Variants in OXR1 observed in about 807,000 individuals in gnomAD.
OXR1 encodes the protein oxidation resistance protein 1.
A neutral mutation model predicts 104.6 loss-of-function variants in OXR1; 41 were observed. The ratio of observed to expected loss-of-function variants is 0.39; its 90% confidence interval spans 0.31 to 0.51. OXR1 has a LOEUF of 0.51. Ranked by LOEUF, OXR1 falls within the 20% of genes least tolerant of loss-of-function variation. The pLI is 0.77. For synonymous variants in OXR1, 348 were observed against 348.4 expected (o/e 1.00, Z 0.01); for missense variants, 955 against 1,031.9 (o/e 0.93, Z 1.02).
chr8:106,593,560 T>C (rs553989133), intron 3 of OXR1, among the ~76,000 whole-genome samples: 6 of 152,242 alleles, frequency 3.9e-5, no homozygotes, highest in East Asian at 1.9e-4. Flanking sequence ...GGGCGGATCA[T>C]GAGGTCAGGA....
Position 106,459,902 on chromosome 8 carries a change from A to G in OXR1, c.24-59041A>G, listed in dbSNP as rs944577973. Among the ~76,000 whole-genome samples, 15 of 152,346 alleles carry G rather than the reference A, an allele frequency of 9.8e-5. No individual in the cohort carries two copies. In the East Asian group the frequency reaches 2.9e-3, roughly 29 times the overall value. Reference sequence around the variant, plus strand: ...CATTTTTCATCAGGTGCCACAAGCCAGCACATGTTACAATCAAGGGAAGAT... The same window carrying G: ...CATTTTTCATCAGGTGCCACAAGCCGGCACATGTTACAATCAAGGGAAGAT... On this transcript the variant is annotated intron_variant, in intron 2 of 16. Transcript: ENST00000517566.
chr8:106,530,949 G>T (rs1455391234), intron 3 of OXR1, among the ~76,000 whole-genome samples: 1 of 152,172 alleles, frequency 6.6e-6, no homozygotes, highest in African/African-American at 2.4e-5. Context: ...TGTACTAAGA[G>T]AAATTAATAA....
chr8:106,612,093 C>T (rs993488887), intron 3 of OXR1, among the ~76,000 whole-genome samples: 1 of 102,492 alleles, frequency 9.8e-6, no homozygotes, highest in Non-Finnish European at 1.9e-5. Context: ...ATAATTTTCT[C>T]CTTCAGTTTT....
intron 3 of OXR1, among the ~76,000 whole-genome samples, chr8:106,672,322 G>GAAAAAA: frequency 7.3e-6 from 1 of 136,706 alleles, no homozygotes; most frequent in African/African-American, 2.6e-5. Flanking sequence ...TACTAAAAAT[G>GAAAAAA]AAAAAAAAAA....
At chr8:106,681,842 C>A (rs1326261855) in intron 4 of OXR1, among the ~76,000 whole-genome samples, 2 of 152,116 alleles carry the variant, frequency 1.3e-5, no homozygotes, top group Non-Finnish European at 2.9e-5. Context: ...GCCTCTTTAT[C>A]GTTTTTAGAG....
At chr8:106,512,159 A>G (rs1000264979) in intron 2 of OXR1, among the ~76,000 whole-genome samples, 1 of 152,162 alleles carries the variant, frequency 6.6e-6, no homozygotes, top group East Asian at 1.9e-4. Context: ...GAGAAAATGG[A>G]GGCAAGGAAA....
At chr8:106,595,625 A>G (rs1819473626) in intron 3 of OXR1, among the ~76,000 whole-genome samples, 1 of 151,988 alleles carries the variant, frequency 6.6e-6, no homozygotes, top group Non-Finnish European at 1.5e-5. Flanking sequence ...GGGGGAAAAT[A>G]GGAAGAAAGG....
chr8:106,649,458 A>G (rs973150079), intron 3 of OXR1, among the ~76,000 whole-genome samples: 1 of 151,794 alleles, frequency 6.6e-6, no homozygotes, highest in African/African-American at 2.4e-5. Flanking sequence ...CCAGTTATAT[A>G]TTGTCCTTTT....
At chr8:106,320,837 A>G (rs1217420603) in intron 1 of OXR1, among the ~76,000 whole-genome samples, 1 of 151,608 alleles carries the variant, frequency 6.6e-6, no homozygotes, top group Non-Finnish European at 1.5e-5. Flanking sequence ...ATGCCTAGCT[A>G]ATTTTTGTAT....
chr8:106,413,943 G>T (rs1018499215), intron 2 of OXR1, among the ~76,000 whole-genome samples: 3 of 151,990 alleles, frequency 2.0e-5, no homozygotes, highest in Non-Finnish European at 4.4e-5. Flanking sequence ...GACCATGCTG[G>T]TCTTGAGCTC....
intron 2 of OXR1, among the ~76,000 whole-genome samples, chr8:106,420,030 A>G (rs1017176670): frequency 5.3e-5 from 8 of 152,146 alleles, no homozygotes; most frequent in Non-Finnish European, 1.2e-4. Flanking sequence ...AAAGAGGAGG[A>G]AAATAACTTG....
At chr8:106,622,672 A>C (rs1299127623) in intron 3 of OXR1, among the ~76,000 whole-genome samples, 1 of 152,036 alleles carries the variant, frequency 6.6e-6, no homozygotes, top group Non-Finnish European at 1.5e-5. Context: ...GGTTCTTATA[A>C]AATTGTCTTT....
chr8:106,468,830 C>G (rs538677014), intron 2 of OXR1, among the ~76,000 whole-genome samples: 8 of 151,806 alleles, frequency 5.3e-5, no homozygotes, highest in African/African-American at 1.7e-4. Flanking sequence ...ATTACTTCGT[C>G]ATGAGAGACA....
chr8:106,271,040 G>A (rs1239509920), intron 1 of OXR1, among the ~76,000 whole-genome samples: 1 of 152,102 alleles, frequency 6.6e-6, no homozygotes, highest in Non-Finnish European at 1.5e-5. Flanking sequence ...AAGGATGGAT[G>A]TAGAAAGTGG....
intron 3 of OXR1, among the ~76,000 whole-genome samples, chr8:106,565,012 G>T (rs184742973): frequency 6.6e-6 from 1 of 152,062 alleles, no homozygotes; most frequent in Non-Finnish European, 1.5e-5. Flanking sequence ...TGACAAGCCC[G>T]CAGCCAATAT....
intron 4 of OXR1, among the ~76,000 whole-genome samples, chr8:106,682,079 T>C (rs527533991): frequency 6.6e-6 from 1 of 152,280 alleles, no homozygotes; most frequent in Non-Finnish European, 1.5e-5. Flanking sequence ...TCTGTAGTCT[T>C]TTCTGGAAAA....
chr8:106,644,176 TTTG>T (rs986015596), intron 3 of OXR1, among the ~76,000 whole-genome samples: 1 of 152,182 alleles, frequency 6.6e-6, no homozygotes, highest in African/African-American at 2.4e-5. Flanking sequence ...CCATTTTGCT[TTTG>T]TTGTTTGTTG....
At chr8:106,655,637 T>C (rs376231049) in intron 3 of OXR1, among the ~76,000 whole-genome samples, 1 of 152,166 alleles carries the variant, frequency 6.6e-6, no homozygotes, top group Non-Finnish European at 1.5e-5. Context: ...TTCTGGGTCA[T>C]GTAGAAGGCA....
intron 2 of OXR1, among the ~76,000 whole-genome samples, chr8:106,436,343 A>G (rs571979060): frequency 2.0e-5 from 3 of 152,110 alleles, no homozygotes; most frequent in South Asian, 2.1e-4. Flanking sequence ...GGTAATTAGC[A>G]TATCCAGGTT....
Sources: gnomAD v4.1 joint callset for allele counts (sites outside exome capture counted in the v4.1 genomes callset) on GRCh38, gnomAD v4.1.1 for gene constraint, MANE v1.5 for transcripts, NCBI Gene and HGNC (gene_info 2026-07-23, HGNC 2026-07-21) for gene names.